NEO1: variants seen among roughly 807,000 people sequenced by gnomAD.
NEO1 encodes neogenin.
NEO1 carries 63 observed loss-of-function variants against 159.7 expected under a neutral mutation model. The ratio of observed to expected loss-of-function variants is 0.39; its 90% CI spans 0.32 to 0.49. NEO1 has a LOEUF of 0.49. NEO1 is among the 20% of genes least tolerant of loss of function. The pLI, the probability that NEO1 is intolerant of heterozygous loss-of-function variation, is 0.85. For synonymous variants in NEO1, 633 were observed against 662.0 expected (o/e 0.96, Z 0.67); for missense variants, 1,615 against 1,831.0 (o/e 0.88, Z 2.15).
intron 7 of NEO1, among the ~76,000 whole-genome samples, chr15:73,215,276 T>C (rs2037809923): frequency 6.6e-6 from 1 of 152,206 alleles, no homozygotes; most frequent in Non-Finnish European, 1.5e-5. Flanking sequence ...TATTTCTTTC[T>C]CTTGTCTGAT....
chr15:73,052,917 T>G, intron 1 of NEO1, 112 bp downstream of exon 1: 1 of 164,416 alleles, frequency 6.1e-6, no homozygotes, highest in Non-Finnish European at 1.3e-5. Flanking sequence ...GGAACTTCTC[T>G]GCCTCGGCTC....
chr15:73,156,670 A>C (rs776765285), intron 5 of NEO1, among the ~76,000 whole-genome samples: 4 of 152,214 alleles, frequency 2.6e-5, no homozygotes, highest in Non-Finnish European at 5.9e-5. Context: ...CTATATTGTC[A>C]ACAGTAGGTT....
chr15:73,122,514 T>C lies in NEO1; in HGVS notation c.449-11T>C, dbSNP rs2071729917. On this transcript the variant is annotated splice_polypyrimidine_tract_variant and intron_variant, in intron 2 of 28. Coordinates refer to ENST00000261908, the MANE Select transcript of NEO1 (RefSeq NM_002499.4). ...AATAAATTTTATTTCTTCTCTTCCTTTATTGTCCAGGTCTTCCAAGATTTA... is the reference window on the plus strand; with the variant it reads ...AATAAATTTTATTTCTTCTCTTCCTCTATTGTCCAGGTCTTCCAAGATTTA... The C allele has an allele frequency of 1.2e-6, 2 of 1,608,016 alleles. No individual in the cohort carries two copies. The highest frequency in any genetic ancestry group is 8.5e-7 in the Non-Finnish European group (1 of 1,177,250).
chr15:73,137,584 C>T (rs1365277348), intron 5 of NEO1, among the ~76,000 whole-genome samples: 2 of 152,156 alleles, frequency 1.3e-5, no homozygotes, highest in African/African-American at 4.8e-5. Flanking sequence ...GCAGCCTCGA[C>T]CTCCTGGGTT....
At chr15:73,052,418 C>G (rs1246450019), upstream of NEO1, 1 of 85,330 alleles carries the variant, frequency 1.2e-5, no homozygotes, top group African/African-American at 3.8e-5. Context: ...CACCGCCCCC[C>G]CCCCCCCGCC....
chr15:73,116,937 G>GT (rs2071359231), intron 2 of NEO1, 80 bp downstream of exon 2: 1 of 1,189,514 alleles, frequency 8.4e-7, no homozygotes. Context: ...TTCTCTTGGA[G>GT]TTTTCTTTTA....
At chr15:73,175,131 A>C (rs2035208914) in intron 5 of NEO1, among the ~76,000 whole-genome samples, 1 of 152,210 alleles carries the variant, frequency 6.6e-6, no homozygotes, top group African/African-American at 2.4e-5. Context: ...TTGGAAAGGC[A>C]TAAATAAATC....
chr15:73,128,836 A>G (rs912626181), intron 4 of NEO1, among the ~76,000 whole-genome samples: 1 of 152,326 alleles, frequency 6.6e-6, no homozygotes, highest in African/African-American at 2.4e-5. Flanking sequence ...TGAAACATCC[A>G]ATTTTATTCA....
At position 73,254,968 on chromosome 15, in the gene NEO1, C is replaced by T. The variant is rs2040268687; in HGVS notation, c.2092+139C>T. The T allele has an allele frequency of 3.7e-6, 3 of 813,928 alleles. No homozygotes were observed. The East Asian group carries it at 8.5e-5, about 23-fold the overall frequency. 50.4% of individuals were successfully genotyped at this position (813,928 alleles called of 1,614,324 possible). Reference sequence around the variant, plus strand: ...TTCAGAAAATTTTTAATGGTTCAATCCACTTCTGACTTGATAGAGATTAAT... The same window carrying T: ...TTCAGAAAATTTTTAATGGTTCAATTCACTTCTGACTTGATAGAGATTAAT... On this transcript the variant is annotated intron_variant, in intron 13 of 28. Transcript: ENST00000261908.
At chr15:73,063,341 C>A (rs570610955) in intron 1 of NEO1, among the ~76,000 whole-genome samples, 1 of 152,024 alleles carries the variant, frequency 6.6e-6, no homozygotes, top group South Asian at 2.1e-4. Flanking sequence ...TAATATGTGT[C>A]CCTGCTTAGA....
At chr15:73,278,013 T>C (rs924262238) in intron 21 of NEO1, 118 bp from the exon 22 acceptor site, 60 of 777,018 alleles carry the variant, frequency 7.7e-5, no homozygotes, top group Non-Finnish European at 1.2e-4. Flanking sequence ...TACTTTATTT[T>C]CTCATGGACA....
At chr15:73,121,586 A>G (rs2071654589) in intron 2 of NEO1, among the ~76,000 whole-genome samples, 1 of 152,152 alleles carries the variant, frequency 6.6e-6, no homozygotes, top group Non-Finnish European at 1.5e-5. Flanking sequence ...GTTCCTCATG[A>G]CATTTTTGTT....
intron 18 of NEO1, among the ~76,000 whole-genome samples, 188 bp from the exon 19 acceptor site, chr15:73,272,267 C>G (rs1331090876): frequency 6.6e-6 from 1 of 152,168 alleles, no homozygotes; most frequent in Admixed American, 6.5e-5. Flanking sequence ...GGTATTTCCT[C>G]TTTGGTACTC....
intron 7 of NEO1, among the ~76,000 whole-genome samples, chr15:73,220,706 C>T (rs1323804334): frequency 6.6e-6 from 1 of 152,194 alleles, no homozygotes; most frequent in African/African-American, 2.4e-5. Flanking sequence ...CCCTTTCTTC[C>T]AGTTGATTGC....
intron 19 of NEO1, among the ~76,000 whole-genome samples, chr15:73,272,797 C>T (rs528441838): frequency 1.3e-5 from 2 of 152,114 alleles, no homozygotes; most frequent in Admixed American, 6.5e-5. Flanking sequence ...GGATGGGAGG[C>T]ACTAGACAGC....
At chr15:73,251,549 CAAAT>C (rs1387180294) in intron 11 of NEO1, among the ~76,000 whole-genome samples, 1 of 140,810 alleles carries the variant, frequency 7.1e-6, no homozygotes, top group Non-Finnish European at 1.6e-5. Context: ...GAAAAAGAAA[CAAAT>C]AAATTACAGG....
intron 7 of NEO1, among the ~76,000 whole-genome samples, chr15:73,207,730 G>A (rs2037319205): frequency 6.6e-6 from 1 of 152,012 alleles, no homozygotes; most frequent in Admixed American, 6.6e-5. Flanking sequence ...TCCCCAGCAT[G>A]TACCATTTTA....
intron 7 of NEO1, among the ~76,000 whole-genome samples, chr15:73,183,388 T>C (rs1028807335): frequency 6.6e-6 from 1 of 152,146 alleles, no homozygotes; most frequent in Non-Finnish European, 1.5e-5. Context: ...GGAACCCTCC[T>C]GTCCCCAGGA....
chr15:73,157,463 C>T (rs1255160247), intron 5 of NEO1, among the ~76,000 whole-genome samples: 1 of 152,194 alleles, frequency 6.6e-6, no homozygotes, highest in African/African-American at 2.4e-5. Context: ...CAGGTGAGAT[C>T]CAGGATTCAG....
Sources: allele counts gnomAD v4.1 joint callset (sites outside exome capture counted in the v4.1 genomes callset), GRCh38; gene constraint gnomAD v4.1.1; transcripts MANE v1.5; gene names NCBI Gene and HGNC (gene_info 2026-07-23, HGNC 2026-07-21).